The following CMSS1 variants were observed in gnomAD, a reference collection of about 807,000 sequenced individuals.
CMSS1 encodes the protein cms1 ribosomal small subunit homolog.
In CMSS1, 33 loss-of-function variants were observed where a neutral mutation model predicts 43.5. That is an observed-to-expected ratio of 0.76 (90% CI 0.57 to 1.01). The LOEUF is 1.01. Ranked by LOEUF, CMSS1 falls within the 50% of genes least tolerant of loss-of-function variation. The probability of loss-of-function intolerance (pLI) is 0.00; values close to 1 mark genes in which losing one functional copy is unlikely to be tolerated. For missense variants in CMSS1, 313 were observed against 326.4 expected, an observed-to-expected ratio of 0.96 and a Z score of 0.32; for synonymous variants, 115 against 117.2, an observed-to-expected ratio of 0.98 and a Z score of 0.12.
intron 1 of CMSS1, among the ~76,000 whole-genome samples, chr3:99,832,231 C>CTTT (rs577849748): frequency 8.7e-5 from 12 of 138,156 alleles, no homozygotes; most frequent in African/African-American, 3.2e-4. Flanking sequence ...ATTCCTAAAT[C>CTTT]TTTTTTTTTT....
chr3:100,123,152 A>G (rs2066635354), intron 1 of CMSS1, among the ~76,000 whole-genome samples: 1 of 152,224 alleles, frequency 6.6e-6, no homozygotes, highest in South Asian at 2.1e-4. Flanking sequence ...AGAGAAAATC[A>G]TGACAGAGAA....
chr3:99,985,809 G>A (rs572618605), intron 1 of CMSS1, among the ~76,000 whole-genome samples: 47 of 152,184 alleles, frequency 3.1e-4, no homozygotes, highest in African/African-American at 1.1e-3. Context: ...GGCTGGTCTC[G>A]AACTCCTGAC....
rs558912894 is a variant in CMSS1, at chr3:99,944,147, A to G, written c.64+126104A>G. ...TACATTACTCAGGCCCTACCTCACC[A>G]AAGGGAGGGAGTTCTTCTAGTCAGT... On this transcript the variant is annotated intron_variant, in intron 1 of 9. Coordinates refer to ENST00000421999, the MANE Select transcript of CMSS1 (RefSeq NM_032359.4). Among the ~76,000 whole-genome samples, 16 of 152,348 alleles carry G rather than the reference A, an allele frequency of 1.1e-4. No homozygotes were observed. The East Asian group carries it at 3.1e-3, about 29-fold the overall frequency.
chr3:100,087,713 GAA>G (rs1431146222), intron 1 of CMSS1, among the ~76,000 whole-genome samples: 4 of 151,938 alleles, frequency 2.6e-5, no homozygotes, highest in African/African-American at 9.7e-5. Flanking sequence ...TTTCACAAAG[GAA>G]AAGTTTTTGA....
chr3:100,004,617 A>G (rs1709936491), intron 1 of CMSS1, among the ~76,000 whole-genome samples: 1 of 152,228 alleles, frequency 6.6e-6, no homozygotes, highest in Admixed American at 6.5e-5. Context: ...TCATCAGGAC[A>G]GAGTAGCCAA....
At chr3:99,978,878 C>T (rs1190336216) in intron 1 of CMSS1, among the ~76,000 whole-genome samples, 1 of 151,408 alleles carries the variant, frequency 6.6e-6, no homozygotes, top group Non-Finnish European at 1.5e-5. Context: ...GAGCGAGACT[C>T]TTGTTTACAA....
intron 2 of CMSS1, among the ~76,000 whole-genome samples, chr3:100,158,136 T>C (rs533902750): frequency 1.1e-4 from 16 of 152,332 alleles, no homozygotes; most frequent in African/African-American, 3.6e-4. Context: ...ATAGGTCCTT[T>C]TCAATGCCCT....
Position 99,901,365 on chromosome 3 carries a change from C to T in CMSS1, c.64+83322C>T, listed in dbSNP as rs112777134. ...GTTTGTTGTCTCAGAAGATTAATGCCAAATCCTCAAAAATGTAGTGACAAG... is the reference window on the plus strand; with the variant it reads ...GTTTGTTGTCTCAGAAGATTAATGCTAAATCCTCAAAAATGTAGTGACAAG... On this transcript the variant is annotated intron_variant, in intron 1 of 9. Transcript: ENST00000421999. Among the ~76,000 whole-genome samples the T allele has an allele frequency of 4.1e-3, 618 of 152,208 alleles. 6 individuals carry two copies. The highest frequency in any genetic ancestry group is 0.015 in the African/African-American group (602 of 41,510).
At chr3:99,896,621 G>A (rs1706263581) in intron 1 of CMSS1, among the ~76,000 whole-genome samples, 2 of 152,142 alleles carry the variant, frequency 1.3e-5, no homozygotes, top group African/African-American at 4.8e-5. Context: ...GATGGGCTAA[G>A]AACAAAGGAA....
chr3:100,174,803 G>A (rs935415211), intron 8 of CMSS1, among the ~76,000 whole-genome samples: 2 of 152,156 alleles, frequency 1.3e-5, no homozygotes, highest in Non-Finnish European at 2.9e-5. Flanking sequence ...AGGCAATTGT[G>A]TTGTTTTAAT....
intron 1 of CMSS1, among the ~76,000 whole-genome samples, chr3:99,829,286 C>A (rs1048686835): frequency 1.3e-5 from 2 of 152,094 alleles, no homozygotes; most frequent in African/African-American, 4.8e-5. Flanking sequence ...CCTTTTGTGT[C>A]AAACATGCCT....
intron 1 of CMSS1, chr3:99,898,052 T>G (rs748277412): frequency 6.6e-6 from 1 of 152,160 alleles, no homozygotes; most frequent in Non-Finnish European, 1.5e-5. Context: ...CAGTTAGTCG[T>G]CAGAATGTAT....
intron 1 of CMSS1, among the ~76,000 whole-genome samples, chr3:100,108,452 A>AG (rs1481217492): frequency 1.5e-4 from 23 of 152,164 alleles, no homozygotes; most frequent in African/African-American, 5.3e-4. Context: ...GAGGCTTTAG[A>AG]GGGTAACTTG....
At chr3:100,054,485 ATGTTT>A (rs1559741083) in intron 1 of CMSS1, among the ~76,000 whole-genome samples, 2 of 126,332 alleles carry the variant, frequency 1.6e-5, no homozygotes, top group South Asian at 2.8e-4. Flanking sequence ...ATATTATGTT[ATGTTT>A]TGTTATGTTA....
chr3:100,043,534 C>T lies in CMSS1; in HGVS notation c.65-103439C>T, dbSNP rs139741780. On this transcript the variant is annotated intron_variant, in intron 1 of 9. Transcript: ENST00000421999. ...ATTTGCTGTGGGAGACAGGCTCCAC[C>T]CCATCCTACCATACTCCCAGACTTT... 7.0e-3 allele frequency among the ~76,000 whole-genome samples: 1,068 copies of T among 152,236 alleles called. 17 individuals are homozygous for T. Among genetic ancestry groups the T allele is most frequent in the African/African-American group, 0.025 (1,031 of 41,534 alleles).
chr3:100,035,075 G>A (rs576738720), intron 1 of CMSS1, among the ~76,000 whole-genome samples: 105 of 152,128 alleles, frequency 6.9e-4, no homozygotes, highest in Non-Finnish European at 1.0e-3. Context: ...ATTTTTTAGG[G>A]TTGATCTGTT....
chr3:99,884,705 A>G (rs962581099), intron 1 of CMSS1, among the ~76,000 whole-genome samples: 1 of 152,212 alleles, frequency 6.6e-6, no homozygotes, highest in Non-Finnish European at 1.5e-5. Context: ...AGAGATAACA[A>G]TCATGTGCGA....
At chr3:99,898,044 G>C (rs1706315676) in intron 1 of CMSS1, 1 of 151,678 alleles carries the variant, frequency 6.6e-6, no homozygotes, top group African/African-American at 2.4e-5. Flanking sequence ...TTTTTCTCCA[G>C]TTAGTCGTCA....
chr3:100,044,461 A>T (rs1450803153), intron 1 of CMSS1, among the ~76,000 whole-genome samples: 1 of 152,214 alleles, frequency 6.6e-6, no homozygotes, highest in Non-Finnish European at 1.5e-5. Context: ...AGCCAAACAG[A>T]GTATACAAGA....
Sources: gnomAD v4.1 joint callset for allele counts (sites outside exome capture counted in the v4.1 genomes callset) on GRCh38, gnomAD v4.1.1 for gene constraint, MANE v1.5 for transcripts, NCBI Gene and HGNC (gene_info 2026-07-23, HGNC 2026-07-21) for gene names.